The following C11orf21 variants were observed in gnomAD, a reference collection of about 807,000 sequenced individuals.
The protein encoded by C11orf21 is chromosome 11 open reading frame 21.
Under a neutral mutation model 15.2 loss-of-function variants are expected in C11orf21, and 19 were observed. The observed-to-expected ratio is 1.25, with a 90% CI of 0.87 to 1.84. The LOEUF (loss-of-function observed/expected upper bound fraction) is 1.84. Among genes scored for constraint, C11orf21 ranks in the 40% most tolerant of loss-of-function variants. The probability of loss-of-function intolerance (pLI) is 0.00; values close to 1 mark genes in which losing one functional copy is unlikely to be tolerated. For missense variants in C11orf21, 171 were observed against 174.4 expected, an observed-to-expected ratio of 0.98 and a Z score of 0.11; for synonymous variants, 62 against 66.8, an observed-to-expected ratio of 0.93 and a Z score of 0.35.
At chr11:2,300,789 G>A in intron 1 of C11orf21, 176 bp from the exon 2 acceptor site, 1 of 1,549,554 alleles carries the variant, frequency 6.5e-7, no homozygotes, top group Non-Finnish European at 8.7e-7. Flanking sequence ...ACCAGACATA[G>A]CCAAGAGCAG....
Position 2,299,626 on chromosome 11 carries a change from C to T in C11orf21, c.229G>A (p.Glu77Lys). The stretch of plus-strand genomic sequence containing the variant: ...TGCAGAGCTGGGTGATCCACAGGTT[C>T]ATGAGCGGTGGCAGGTGGAACAAGG... ...GALVPPATAH[E>K]PVDHPALHWL... Residue 77 changes from glutamate (E) to lysine (K), a missense_variant, in exon 3 of 4, where the codon GAA becomes AAA. Glu to Lys is a moderately conservative substitution (Grantham distance 56). Coordinates refer to ENST00000381153, the MANE Select transcript of C11orf21 (RefSeq NM_001329958.2). The T allele has an allele frequency of 1.3e-6, 2 of 1,551,138 alleles. No homozygotes were observed. Among genetic ancestry groups the T allele is most frequent in the Non-Finnish European group, 8.7e-7 (1 of 1,146,942 alleles).
rs969554215 is a variant in C11orf21 at position 2,299,667 on chromosome 11, G to A, written c.188C>T (p.Pro63Leu). The change falls in exon 3 of 4, where the codon CCC becomes CTC. Residue 63 changes from proline (P) to leucine (L), a missense_variant. By Grantham distance (98) the Pro-to-Leu change is moderately conservative (BLOSUM62 -3). Transcript: ENST00000381153. ...TGGAACAAGGGCACCATGGGCGGAG[G>A]GTTGGGCAGCTGCAGGTGGCATCAT... is the stretch of plus-strand genomic sequence containing the variant. The part of the protein sequence containing the change: ...GSMMPPAAAQ[P>L]SAHGALVPPA... The A allele has an allele frequency of 1.3e-6, 2 of 1,551,042 alleles. No individual in the cohort carries two copies. The highest frequency in any genetic ancestry group is 1.4e-5 in the African/African-American group (1 of 73,044).
chr11:2,299,689 T>C lies in C11orf21; in HGVS notation c.166A>G (p.Met56Val). 1 of 1,550,870 alleles carries C rather than the reference T, an allele frequency of 6.4e-7. No individual in the cohort carries two copies. Among genetic ancestry groups the C allele is most frequent in the Non-Finnish European group, 8.7e-7 (1 of 1,146,880 alleles). The change falls in exon 3 of 4, where the codon ATG becomes GTG. Residue 56 changes from methionine to valine, a missense_variant. By Grantham distance (21) the Met-to-Val change is conservative. Coordinates refer to ENST00000381153, the MANE Select transcript of C11orf21 (RefSeq NM_001329958.2). ...SRDQEAPGSM[M>V]PPAAAQPSAH... is the part of the protein sequence containing the mutation. ...GAGGGTTGGGCAGCTGCAGGTGGCA[T>C]CATTGAGCCAGGGGCCTCCTGGTGG...
At chr11:2,300,706 G>A (rs1379730516) in intron 1 of C11orf21, 93 bp from the exon 2 acceptor site, 1 of 1,550,290 alleles carries the variant, frequency 6.5e-7, no homozygotes. Flanking sequence ...TGTCCCAGAA[G>A]CGGGTGGTGC....
upstream of C11orf21, chr11:2,302,722 G>A (rs1195162051): frequency 2.6e-6 from 2 of 770,648 alleles, no homozygotes; most frequent in Non-Finnish European, 4.3e-6. Flanking sequence ...AATCCCTGCA[G>A]CTGAGCCTGT....
intron 2 of C11orf21, among the ~76,000 whole-genome samples, chr11:2,300,313 C>CGGTGTGCGGGGTGGGCAGG (rs1232870683): frequency 8.1e-5 from 2 of 24,690 alleles, no homozygotes; most frequent in Non-Finnish European, 7.3e-5. Context: ...GGGTGGGCAG[C>CGGTGTGCGGGGTGGGCAGG]GGTGTGCGGG....
rs760983638 is a variant in C11orf21 at position 2,296,148 on chromosome 11, C to T, written c.*1802G>A. The T allele has an allele frequency of 1.3e-5, 2 of 152,192 alleles. No individual in the cohort carries two copies. Among genetic ancestry groups the T allele is most frequent in the Non-Finnish European group, 2.9e-5 (2 of 68,034 alleles). The allele number at this position is 152,192 out of a possible 1,614,324, so 9.4% of individuals were successfully genotyped here. A position where few individuals can be genotyped will look rare whatever the true frequency, so the allele number is the denominator to read the frequency against. On this transcript the variant is annotated 3_prime_UTR_variant, in exon 4 of 4. Coordinates refer to ENST00000381153, the MANE Select transcript of C11orf21 (RefSeq NM_001329958.2). The surrounding 1 kb of genome is among the most constrained non-coding windows in gnomAD (Gnocchi z 5.6). ...CACCACCCTGCATCTTCCAAGTCCT[C>T]GATGGCGGCACTGACCTTTGCAGTC...
chr11:2,302,665 G>A (rs1299511339), upstream of C11orf21: 2 of 608,088 alleles, frequency 3.3e-6, no homozygotes, highest in Non-Finnish European at 5.9e-6. Context: ...GTGTGCTGGG[G>A]CGTCTGCAGT....
rs753246458 is a variant in C11orf21 at position 2,300,567 on chromosome 11, G to A, written c.100C>T (p.Pro34Ser). 4.5e-6 allele frequency: 7 copies of A among 1,549,966 alleles called. No homozygotes were observed. In the South Asian group the frequency reaches 7.1e-5, roughly 16 times the overall value. Residue 34 changes from proline (P) to serine (S), a missense_variant, in exon 2 of 4, where the codon CCC becomes TCC. Physicochemically the swap from Pro to Ser is moderately conservative, Grantham distance 74. Transcript: ENST00000381153. Reference sequence around the variant, plus strand: ...GGGGTTCCCGTCCACCTGTCAGGGGGTTCGACGCCACTTTGAGATGACAAG... The same window carrying A: ...GGGGTTCCCGTCCACCTGTCAGGGGATTCGACGCCACTTTGAGATGACAAG... ...PHLSSQSGVE[P>S]PDRWTGTPGW...
At chr11:2,302,959 G>A, upstream of C11orf21, 1 of 1,612,840 alleles carries the variant, frequency 6.2e-7, no homozygotes, top group Non-Finnish European at 8.5e-7. Context: ...CACCAATGGG[G>A]TAAGTGAGGT....
upstream of C11orf21, chr11:2,302,141 G>A: frequency 6.8e-7 from 1 of 1,469,700 alleles, no homozygotes; most frequent in Non-Finnish European, 9.0e-7. Context: ...GGAGAGGAGA[G>A]GAACCGTCAT....
In C11orf21 at chr11:2,296,159, C is replaced by T. The variant is rs1013331715; in HGVS notation, c.*1791G>A. On this transcript the variant is annotated 3_prime_UTR_variant, in exon 4 of 4. Coordinates refer to ENST00000381153, the MANE Select transcript of C11orf21 (RefSeq NM_001329958.2). The surrounding 1 kb of genome is among the most constrained non-coding windows in gnomAD (Gnocchi z 5.6). ...ATCTTCCAAGTCCTCGATGGCGGCA[C>T]TGACCTTTGCAGTCCCTCCAGGGCT... The T allele has an allele frequency of 3.9e-5, 6 of 152,216 alleles. No individual in the cohort carries two copies. The highest frequency in any genetic ancestry group is 1.3e-4 in the Admixed American group (2 of 15,276). 9.4% of individuals were successfully genotyped at this position (152,216 alleles called of 1,614,324 possible).
Position 2,297,067 on chromosome 11 carries a change from G to C in C11orf21, c.*883C>G, listed in dbSNP as rs981218375. On this transcript the variant is annotated 3_prime_UTR_variant, in exon 4 of 4. Coordinates refer to ENST00000381153, the MANE Select transcript of C11orf21 (RefSeq NM_001329958.2). The stretch of plus-strand genomic sequence containing the variant: ...GGTCCTCAGCCTCCGCCCAAGGCAG[G>C]GGGGACACTGCTGGCAACTGGTCAC... The C allele has an allele frequency of 1.3e-5, 2 of 152,422 alleles. No homozygotes were observed. The allele number at this position is 152,422 out of a possible 1,614,324, so 9.4% of individuals were successfully genotyped here. A position where few individuals can be genotyped will look rare whatever the true frequency, so the allele number is the denominator to read the frequency against.
At chr11:2,303,099 C>G, upstream of C11orf21, 1 of 735,100 alleles carries the variant, frequency 1.4e-6, no homozygotes, top group Admixed American at 2.8e-5. Flanking sequence ...CAGGGAGGGG[C>G]TGCCCTGGAG....
At chr11:2,300,647 A>G (rs936890499) in intron 1 of C11orf21, 34 bp from the exon 2 acceptor site, 2 of 1,550,696 alleles carry the variant, frequency 1.3e-6, no homozygotes, top group African/African-American at 2.7e-5. Context: ...GGACAGGTCA[A>G]GAACCCAGGC....
At chr11:2,301,646 T>G (rs1251802579) in intron 1 of C11orf21, 110 bp downstream of exon 1, 2 of 934,750 alleles carry the variant, frequency 2.1e-6, no homozygotes, top group Non-Finnish European at 3.1e-6. Context: ...GGGTGTTTCC[T>G]AAGAACACCT....
chr11:2,300,484 G>T (rs768499262), intron 2 of C11orf21, 36 bp downstream of exon 2: 1 of 1,366,686 alleles, frequency 7.3e-7, no homozygotes, highest in Non-Finnish European at 1.0e-6. Context: ...CCCTGCCCCC[G>T]CTGGTGGGGC....
In C11orf21 at chr11:2,300,626, G is replaced by A. The variant is rs1286272438; in HGVS notation, c.54-13C>T. On this transcript the variant is annotated splice_polypyrimidine_tract_variant and intron_variant, in intron 1 of 3. Coordinates refer to ENST00000381153, the MANE Select transcript of C11orf21 (RefSeq NM_001329958.2). ...CCTGGGCACAGCGCTGGTGTGAGAAGGAGGCCATCAGGACAGGTCAAGAAC... is the reference window on the plus strand; with the variant it reads ...CCTGGGCACAGCGCTGGTGTGAGAAAGAGGCCATCAGGACAGGTCAAGAAC... 2 of 1,550,606 alleles carry A rather than the reference G, an allele frequency of 1.3e-6. No individual in the cohort carries two copies. The highest frequency in any genetic ancestry group is 1.4e-5 in the African/African-American group (1 of 73,006).
Position 2,301,579 on chromosome 11 carries a change from G to A in C11orf21, c.53+177C>T, listed in dbSNP as rs999317260. The A allele has an allele frequency of 5.1e-5, 29 of 564,096 alleles. No individual in the cohort carries two copies. In the African/African-American group the frequency reaches 5.1e-4, roughly 10 times the overall value. The allele number at this position is 564,096 out of a possible 1,614,324, so 34.9% of individuals were successfully genotyped here. A position where few individuals can be genotyped will look rare whatever the true frequency, so the allele number is the denominator to read the frequency against. On this transcript the variant is annotated intron_variant, in intron 1 of 3. Coordinates refer to ENST00000381153, the MANE Select transcript of C11orf21 (RefSeq NM_001329958.2). ...CAAAATATCCATGAGTGCCGCCCAC[G>A]AAGGCATTAAAACCAACGACCTTCT...
Sources: allele counts gnomAD v4.1 joint callset (sites outside exome capture counted in the v4.1 genomes callset), GRCh38; gene constraint gnomAD v4.1.1; non-coding constraint Gnocchi (gnomAD v3.1); transcripts MANE v1.5; gene names NCBI Gene and HGNC (gene_info 2026-07-23, HGNC 2026-07-21).